TASP1: variants seen among roughly 807,000 people sequenced by gnomAD.
The protein encoded by TASP1 is threonine aspartase 1.
A neutral mutation model predicts 56.6 loss-of-function variants in TASP1; 16 were observed. That is an observed-to-expected ratio of 0.28 (90% CI 0.19 to 0.43). TASP1 has a LOEUF of 0.43. Among genes scored for constraint, TASP1 ranks in the 20% least tolerant of loss-of-function variants. TASP1 has a pLI of 1.00. For synonymous variants in TASP1, 179 were observed against 184.2 expected (o/e 0.97, Z 0.23); for missense variants, 393 against 511.6 (o/e 0.77, Z 2.24).
intron 12 of TASP1, among the ~76,000 whole-genome samples, chr20:13,432,954 G>A (rs1374871808): frequency 6.6e-6 from 1 of 151,812 alleles, no homozygotes; most frequent in Non-Finnish European, 1.5e-5. Flanking sequence ...AAACACTAGG[G>A]GTTATTCTTC....
At chr20:13,288,626 T>C in the TASP1 span, 8 of 1,614,022 alleles carry the variant, frequency 5.0e-6, no homozygotes, top group Non-Finnish European at 6.8e-6. Flanking sequence ...GACCCGGTCT[T>C]GTGGCTACGC....
At chr20:13,214,082 T>C in the TASP1 span, among the ~76,000 whole-genome samples, 6 of 152,204 alleles carry the variant, frequency 3.9e-5, no homozygotes, top group Non-Finnish European at 5.9e-5. Flanking sequence ...AAGAATATTA[T>C]AGGGACAATT....
At chr20:13,333,904 T>C in the TASP1 span, among the ~76,000 whole-genome samples, 1 of 152,212 alleles carries the variant, frequency 6.6e-6, no homozygotes, top group Non-Finnish European at 1.5e-5. Flanking sequence ...TCAACACGTA[T>C]TTACTCAGGG....
chr20:13,347,859 G>A, the TASP1 span, among the ~76,000 whole-genome samples: 32 of 142,116 alleles, frequency 2.3e-4, no homozygotes, highest in East Asian at 2.7e-3. Flanking sequence ...AAAAAAAAAT[G>A]GATAATTTTT....
At chr20:13,262,328 C>T in the TASP1 span, among the ~76,000 whole-genome samples, 4 of 152,302 alleles carry the variant, frequency 2.6e-5, no homozygotes, top group African/African-American at 9.6e-5. Context: ...AAGCCTTGCC[C>T]TTAACTGGAT....
At chr20:13,504,636 T>C (rs1268695054) in intron 10 of TASP1, among the ~76,000 whole-genome samples, 3 of 152,084 alleles carry the variant, frequency 2.0e-5, no homozygotes, top group African/African-American at 7.2e-5. Context: ...GACAAAAATA[T>C]TTAAAAATAC....
the TASP1 span, among the ~76,000 whole-genome samples, chr20:13,147,010 C>A: frequency 1.3e-5 from 2 of 152,184 alleles, no homozygotes. Context: ...CATTCTCATC[C>A]TTGCTTGGGG....
At chr20:13,533,965 C>T in intron 9 of TASP1, 57 bp downstream of exon 9, 1 of 1,543,870 alleles carries the variant, frequency 6.5e-7, no homozygotes, top group African/African-American at 1.4e-5. Context: ...AAATTGTGAG[C>T]TAAAAATTCC....
the TASP1 span, among the ~76,000 whole-genome samples, chr20:13,342,545 T>C: frequency 1.9e-4 from 29 of 152,150 alleles, no homozygotes; most frequent in Admixed American, 1.3e-4. Flanking sequence ...CAGCCAAAGT[T>C]GCACAAGGCA....
downstream of TASP1, among the ~76,000 whole-genome samples, chr20:13,384,942 T>TG (rs147914035): frequency 4.2e-3 from 646 of 152,320 alleles, 5 homozygotes; most frequent in African/African-American, 0.015. Context: ...ACAGGAAGAC[T>TG]GGGTTTTGCG....
chr20:13,176,862 C>T, the TASP1 span, among the ~76,000 whole-genome samples: 4 of 152,104 alleles, frequency 2.6e-5, no homozygotes, highest in African/African-American at 4.8e-5. Flanking sequence ...CACGTACAAT[C>T]GCTACCAAAA....
At chr20:13,564,561 T>C (rs1471520242) in intron 7 of TASP1, among the ~76,000 whole-genome samples, 3 of 151,998 alleles carry the variant, frequency 2.0e-5, no homozygotes, top group East Asian at 3.9e-4. Context: ...ATAGTGTTTT[T>C]TTTTTTTTAA....
At chr20:13,549,749 C>T (rs762950667) in intron 8 of TASP1, among the ~76,000 whole-genome samples, 14 of 152,190 alleles carry the variant, frequency 9.2e-5, no homozygotes, top group Non-Finnish European at 1.3e-4. Context: ...TACACAAGAT[C>T]AGCTGGGACT....
intron 11 of TASP1, among the ~76,000 whole-genome samples, chr20:13,439,365 A>G (rs1048019899): frequency 6.6e-6 from 1 of 152,228 alleles, no homozygotes; most frequent in African/African-American, 2.4e-5. Context: ...AGGGACATGG[A>G]TAAAGCTGGA....
At chr20:13,435,365 G>A (rs1432864126) in intron 11 of TASP1, among the ~76,000 whole-genome samples, 2 of 152,130 alleles carry the variant, frequency 1.3e-5, no homozygotes, top group African/African-American at 4.8e-5. Flanking sequence ...GCCACATGCT[G>A]TCAAGAAGAT....
rs772955700 is a variant in TASP1, at chr20:13,534,158, G to A, written c.676-17C>T. On this transcript the variant is annotated splice_polypyrimidine_tract_variant and intron_variant, in intron 8 of 13. Coordinates refer to ENST00000337743, the MANE Select transcript of TASP1 (RefSeq NM_017714.3). ...GTCATTTTCCTGCAGAGCAAAAGTG[G>A]CACAAGTATTCACTAGGCATGGAGT... The A allele has an allele frequency of 6.2e-7, 1 of 1,612,584 alleles. No individual in the cohort carries two copies. Among genetic ancestry groups the A allele is most frequent in the South Asian group, 1.1e-5 (1 of 90,928 alleles).
the TASP1 span, among the ~76,000 whole-genome samples, chr20:13,184,168 C>T: frequency 6.6e-6 from 1 of 151,932 alleles, no homozygotes; most frequent in Non-Finnish European, 1.5e-5. Context: ...TATTAGGATA[C>T]AGCAATAAAT....
the TASP1 span, among the ~76,000 whole-genome samples, chr20:13,335,506 G>C: frequency 6.6e-6 from 1 of 152,068 alleles, no homozygotes; most frequent in African/African-American, 2.4e-5. Context: ...CCCAATCATA[G>C]TGTCTTACTC....
At chr20:13,452,716 C>T (rs1478332367) in intron 11 of TASP1, among the ~76,000 whole-genome samples, 1 of 151,882 alleles carries the variant, frequency 6.6e-6, no homozygotes, top group Non-Finnish European at 1.5e-5. Flanking sequence ...AGGGCATACT[C>T]ACTTTATTAG....
Sources: allele counts gnomAD v4.1 joint callset (sites outside exome capture counted in the v4.1 genomes callset), GRCh38; gene constraint gnomAD v4.1.1; transcripts MANE v1.5; gene names NCBI Gene and HGNC (gene_info 2026-07-23, HGNC 2026-07-21).